The following CNTN5 variants were observed in gnomAD, a reference collection of about 807,000 sequenced individuals.
CNTN5 encodes the protein contactin-5.
A neutral mutation model predicts 129.1 loss-of-function variants in CNTN5; 77 were observed. The observed-to-expected ratio is 0.60, with a 90% CI of 0.50 to 0.72. The LOEUF (loss-of-function observed/expected upper bound fraction) is 0.72, where lower values mean the gene tolerates loss of function less well. Among genes scored for constraint, CNTN5 ranks in the 30% least tolerant of loss-of-function variants. CNTN5 has a pLI of 0.00. For missense variants in CNTN5, 1,478 were observed against 1,328.8 expected, an observed-to-expected ratio of 1.11 and a Z score of -1.75; for synonymous variants, 509 against 465.6, an observed-to-expected ratio of 1.09 and a Z score of -1.20.
At chr11:100,307,698 G>A (rs1043343543) in intron 20 of CNTN5, among the ~76,000 whole-genome samples, 3 of 151,448 alleles carry the variant, frequency 2.0e-5, no homozygotes, top group Non-Finnish European at 4.4e-5. Flanking sequence ...TGAAAATGTA[G>A]TCTTGTGGTT....
chr11:99,528,421 G>A lies in CNTN5; in HGVS notation c.-70-27724G>A, dbSNP rs187130209. Among the ~76,000 whole-genome samples the A allele has an allele frequency of 9.2e-5, 14 of 152,280 alleles. No individual in the cohort carries two copies. In the East Asian group the frequency reaches 2.3e-3, roughly 25 times the overall value. On this transcript the variant is annotated intron_variant, in intron 2 of 24. Coordinates refer to ENST00000524871, the MANE Select transcript of CNTN5 (RefSeq NM_014361.4). ...AAATCTATAAATGCATATCACTATG[G>A]TCAGTTAGTGTGAGCACCAAGCTTT...
At chr11:99,969,371 T>C (rs1482587470) in intron 8 of CNTN5, among the ~76,000 whole-genome samples, 1 of 152,196 alleles carries the variant, frequency 6.6e-6, no homozygotes, top group Non-Finnish European at 1.5e-5. Flanking sequence ...AACACATCTT[T>C]CTTCATGAAA....
At chr11:99,560,534 G>A (rs911243130) in intron 3 of CNTN5, among the ~76,000 whole-genome samples, 15 of 151,996 alleles carry the variant, frequency 9.9e-5, no homozygotes, top group African/African-American at 2.2e-4. Context: ...CAGGTGATCC[G>A]CCTGCCTCGG....
intron 2 of CNTN5, among the ~76,000 whole-genome samples, chr11:99,437,530 A>G (rs1478805863): frequency 6.6e-6 from 1 of 152,188 alleles, no homozygotes; most frequent in African/African-American, 2.4e-5. Flanking sequence ...AAAATATATT[A>G]AAAGTGATTA....
intron 1 of CNTN5, among the ~76,000 whole-genome samples, chr11:99,204,704 A>G (rs1166683706): frequency 1.3e-5 from 2 of 152,170 alleles, no homozygotes; most frequent in Non-Finnish European, 2.9e-5. Context: ...ACAATGTTAA[A>G]TGTGCTGCTC....
At chr11:100,032,508 G>A (rs1181133309) in intron 9 of CNTN5, among the ~76,000 whole-genome samples, 1 of 150,528 alleles carries the variant, frequency 6.6e-6, no homozygotes, top group Non-Finnish European at 1.5e-5. Flanking sequence ...AAAAAATAAT[G>A]ATATATATAT....
chr11:100,293,398 A>C (rs551853262), intron 18 of CNTN5, among the ~76,000 whole-genome samples: 3 of 151,908 alleles, frequency 2.0e-5, no homozygotes, highest in African/African-American at 7.2e-5. Context: ...AACTGAAAGC[A>C]TAATTCCTTT....
chr11:100,249,803 T>C (rs1351216430), intron 16 of CNTN5, among the ~76,000 whole-genome samples: 1 of 152,174 alleles, frequency 6.6e-6, no homozygotes, highest in Non-Finnish European at 1.5e-5. Flanking sequence ...AAAACAAAGA[T>C]ACTGACTATA....
At chr11:99,777,833 A>G (rs1400938301) in intron 3 of CNTN5, among the ~76,000 whole-genome samples, 1 of 151,812 alleles carries the variant, frequency 6.6e-6, no homozygotes, top group African/African-American at 2.4e-5. Flanking sequence ...TTTCACATAC[A>G]TATGTACGAT....
At chr11:100,109,191 G>C (rs552904690) in intron 13 of CNTN5, among the ~76,000 whole-genome samples, 6 of 152,196 alleles carry the variant, frequency 3.9e-5, no homozygotes, top group African/African-American at 1.4e-4. Context: ...ACTTTGGGAG[G>C]TCGAGGCGGA....
At chr11:100,240,179 AT>A (rs1170997250) in intron 16 of CNTN5, among the ~76,000 whole-genome samples, 1 of 152,100 alleles carries the variant, frequency 6.6e-6, no homozygotes, top group Non-Finnish European at 1.5e-5. Context: ...TCTCCCTGTA[AT>A]CCATCCATTA....
intron 13 of CNTN5, among the ~76,000 whole-genome samples, chr11:100,189,914 C>G (rs1948424866): frequency 6.6e-6 from 1 of 151,932 alleles, no homozygotes; most frequent in African/African-American, 2.4e-5. Context: ...TATTGGAAAC[C>G]ATATGTTTTC....
At chr11:99,652,648 A>AACTT (rs1258872407) in intron 3 of CNTN5, among the ~76,000 whole-genome samples, 9 of 152,090 alleles carry the variant, frequency 5.9e-5, no homozygotes, top group African/African-American at 2.2e-4. Flanking sequence ...TTTTGATCAG[A>AACTT]ACTTACACAT....
At chr11:99,082,044 C>G (rs757328927) in intron 1 of CNTN5, among the ~76,000 whole-genome samples, 3 of 152,090 alleles carry the variant, frequency 2.0e-5, no homozygotes, top group Admixed American at 1.3e-4. Flanking sequence ...ACTTTCATTT[C>G]TGTATGTAGA....
intron 1 of CNTN5, among the ~76,000 whole-genome samples, chr11:99,057,142 C>T (rs1433062281): frequency 1.3e-5 from 2 of 151,990 alleles, no homozygotes; most frequent in East Asian, 3.9e-4. Flanking sequence ...GGTTGGATTA[C>T]CTTTGAAATG....
intron 1 of CNTN5, among the ~76,000 whole-genome samples, chr11:99,091,297 T>C (rs1444436344): frequency 6.6e-6 from 1 of 152,152 alleles, no homozygotes; most frequent in Non-Finnish European, 1.5e-5. Context: ...ACTGCACACC[T>C]TGAATCCAGG....
At chr11:99,813,530 A>G (rs1242940925) in intron 3 of CNTN5, among the ~76,000 whole-genome samples, 1 of 152,174 alleles carries the variant, frequency 6.6e-6, no homozygotes, top group Non-Finnish European at 1.5e-5. Context: ...GTAGGAGTTT[A>G]AAAGAGCATA....
intron 13 of CNTN5, among the ~76,000 whole-genome samples, chr11:100,159,794 C>T (rs1300956186): frequency 1.3e-5 from 2 of 151,882 alleles, no homozygotes; most frequent in African/African-American, 4.8e-5. Flanking sequence ...TGCAGCATTT[C>T]CTCTGAGGTT....
At chr11:99,422,394 T>A (rs1451830260) in intron 2 of CNTN5, among the ~76,000 whole-genome samples, 1 of 151,326 alleles carries the variant, frequency 6.6e-6, no homozygotes, top group Non-Finnish European at 1.5e-5. Flanking sequence ...ACACATTATA[T>A]CAGGGGAATC....
Sources: gnomAD v4.1 joint callset for allele counts (sites outside exome capture counted in the v4.1 genomes callset) on GRCh38, gnomAD v4.1.1 for gene constraint, MANE v1.5 for transcripts, NCBI Gene and HGNC (gene_info 2026-07-23, HGNC 2026-07-21) for gene names.